The following PEBP4 variants were observed in gnomAD, a reference collection of about 807,000 sequenced individuals.
The protein encoded by PEBP4 is phosphatidylethanolamine-binding protein 4.
PEBP4 carries 22 observed loss-of-function variants against 23.9 expected under a neutral mutation model. The ratio of observed to expected loss-of-function variants is 0.92; its 90% CI spans 0.66 to 1.31. The LOEUF (loss-of-function observed/expected upper bound fraction) is 1.31. Ranked by LOEUF, PEBP4 falls within the 40% of genes most tolerant of loss-of-function variation. The probability of loss-of-function intolerance (pLI) is 0.00; values close to 1 mark genes in which losing one functional copy is unlikely to be tolerated. For synonymous variants in PEBP4, 112 were observed against 99.3 expected, an observed-to-expected ratio of 1.13 and a Z score of -0.76; for missense variants, 324 against 281.7, an observed-to-expected ratio of 1.15 and a Z score of -1.07.
At chr8:22,876,607 G>A (rs1158466137) in intron 3 of PEBP4, among the ~76,000 whole-genome samples, 1 of 152,200 alleles carries the variant, frequency 6.6e-6, no homozygotes, top group East Asian at 1.9e-4. Flanking sequence ...ACCTCAACTT[G>A]CAGCCCAGGG....
At chr8:22,748,775 C>A (rs1805184171) in intron 4 of PEBP4, among the ~76,000 whole-genome samples, 1 of 152,092 alleles carries the variant, frequency 6.6e-6, no homozygotes, top group East Asian at 1.9e-4. Context: ...TACGAGGCTC[C>A]CACATGCAGG....
chr8:22,753,790 C>T (rs1805317410), intron 4 of PEBP4, among the ~76,000 whole-genome samples: 1 of 152,188 alleles, frequency 6.6e-6, no homozygotes. Flanking sequence ...CCAGACTTCC[C>T]CGCCCTTGTG....
Position 22,713,592 on chromosome 8 carries a change from G to C in PEBP4, c.518-56C>G, listed in dbSNP as rs1054040138. 38 of 1,611,736 alleles carry C rather than the reference G, an allele frequency of 2.4e-5. No individual in the cohort carries two copies. The African/African-American group carries it at 4.5e-4, about 19-fold the overall frequency. ...GTGAGAAAGAGCCATGGACTTGAAA[G>C]CTGGCAGGGGCCTGAGAGGGAGGCC... On this transcript the variant is annotated intron_variant, in intron 6 of 6. Coordinates refer to ENST00000256404, the MANE Select transcript of PEBP4 (RefSeq NM_144962.3).
chr8:22,913,712 C>T (rs1482188292), intron 3 of PEBP4, among the ~76,000 whole-genome samples: 1 of 152,244 alleles, frequency 6.6e-6, no homozygotes, highest in Non-Finnish European at 1.5e-5. Flanking sequence ...CCACCATTCA[C>T]ACCGTTTATC....
Position 22,817,699 on chromosome 8 carries a change from C to A in PEBP4, c.295G>T (p.Ala99Ser). The change falls in exon 4 of 7, where the codon GCC (alanine) becomes TCC (serine). Residue 99 changes from alanine to serine, a missense_variant. Transcript: ENST00000256404. ...TGTCTGGGTTCTGCTCTGCTAGGGG[C>A]ATCTGGATCCACCATCACCAGGATA... ...TYILVMVDPD[A>S]PSRAEPRQRF... 2 of 1,614,216 alleles carry A rather than the reference C, an allele frequency of 1.2e-6. No individual in the cohort carries two copies.
chr8:22,900,656 C>CAAAAA (rs111459741), intron 3 of PEBP4, among the ~76,000 whole-genome samples: 1 of 134,408 alleles, frequency 7.4e-6, no homozygotes. Flanking sequence ...ACTCTGTCTC[C>CAAAAA]AAAAAAAAAA....
chr8:22,743,228 C>G (rs116908857), intron 4 of PEBP4, among the ~76,000 whole-genome samples: 2,889 of 152,294 alleles, frequency 0.019, 50 homozygotes, highest in South Asian at 0.031. Context: ...GAGAGTGAGG[C>G]CTGCCTGAGA....
intron 3 of PEBP4, among the ~76,000 whole-genome samples, chr8:22,853,687 T>C (rs1196846492): frequency 1.3e-5 from 2 of 152,190 alleles, no homozygotes; most frequent in Non-Finnish European, 2.9e-5. Flanking sequence ...CCATTAGGGA[T>C]ACAGAGCTCA....
intron 3 of PEBP4, among the ~76,000 whole-genome samples, chr8:22,836,569 C>T (rs1032740159): frequency 1.3e-5 from 2 of 152,232 alleles, no homozygotes; most frequent in Non-Finnish European, 2.9e-5. Flanking sequence ...AGAGCATCTG[C>T]CCACTCAAGA....
chr8:22,835,743 A>C (rs1807191554), intron 3 of PEBP4, among the ~76,000 whole-genome samples: 1 of 152,238 alleles, frequency 6.6e-6, no homozygotes, highest in South Asian at 2.1e-4. Flanking sequence ...ATGGAGCCCC[A>C]AAATGCCTTC....
chr8:22,800,718 C>G (rs1032231562), intron 4 of PEBP4, among the ~76,000 whole-genome samples: 2 of 152,116 alleles, frequency 1.3e-5, no homozygotes, highest in African/African-American at 4.8e-5. Context: ...TACAGCAGGA[C>G]TGGGGCAGGT....
At chr8:22,760,917 T>C (rs1264747547) in intron 4 of PEBP4, among the ~76,000 whole-genome samples, 1 of 152,126 alleles carries the variant, frequency 6.6e-6, no homozygotes, top group Non-Finnish European at 1.5e-5. Context: ...ATTCTTTGGG[T>C]CTAGGGTGTT....
intron 3 of PEBP4, chr8:22,887,867 C>T (rs184747714): frequency 1.3e-5 from 2 of 152,272 alleles, no homozygotes; most frequent in Non-Finnish European, 2.9e-5. Flanking sequence ...AACGCATGCG[C>T]GCATGCACAC....
chr8:22,872,321 G>A (rs1217931530), intron 3 of PEBP4, among the ~76,000 whole-genome samples: 1 of 152,156 alleles, frequency 6.6e-6, no homozygotes, highest in Non-Finnish European at 1.5e-5. Context: ...CAGGCAAGAG[G>A]GTGACTAAAA....
chr8:22,940,340 C>G (rs139667066), intron 1 of PEBP4, among the ~76,000 whole-genome samples: 1 of 152,108 alleles, frequency 6.6e-6, no homozygotes, highest in African/African-American at 2.4e-5. Context: ...ACCAAAGTGG[C>G]CTTTCTGAGG....
At chr8:22,819,797 G>T (rs537142744) in intron 3 of PEBP4, among the ~76,000 whole-genome samples, 8 of 152,126 alleles carry the variant, frequency 5.3e-5, no homozygotes, top group Non-Finnish European at 1.0e-4. Context: ...TAGTAGAGAC[G>T]GGGTTTCACC....
At chr8:22,752,046 A>G (rs1416943707) in intron 4 of PEBP4, among the ~76,000 whole-genome samples, 4 of 152,176 alleles carry the variant, frequency 2.6e-5, no homozygotes, top group South Asian at 4.2e-4. Context: ...ACAGGCACAC[A>G]CCACCATGCC....
chr8:22,739,765 G>A (rs879842207), intron 4 of PEBP4, among the ~76,000 whole-genome samples: 5 of 152,268 alleles, frequency 3.3e-5, no homozygotes, highest in African/African-American at 9.6e-5. Flanking sequence ...TGGCCCCTCA[G>A]CCCCTGACCC....
At chr8:22,883,239 C>T (rs1295879901) in intron 3 of PEBP4, among the ~76,000 whole-genome samples, 1 of 152,210 alleles carries the variant, frequency 6.6e-6, no homozygotes, top group African/African-American at 2.4e-5. Context: ...TTCATTATAT[C>T]CTTGATCCAA....
Sources: allele counts gnomAD v4.1 joint callset (sites outside exome capture counted in the v4.1 genomes callset), GRCh38; gene constraint gnomAD v4.1.1; transcripts MANE v1.5; gene names NCBI Gene and HGNC (gene_info 2026-07-23, HGNC 2026-07-21).